The following ABCA1 variants were observed in gnomAD, a reference collection of about 807,000 sequenced individuals.
ABCA1 encodes the protein phospholipid-transporting ATPase ABCA1.
ABCA1 carries 133 observed loss-of-function variants against 262.5 expected under a neutral mutation model. The ratio of observed to expected loss-of-function variants is 0.51; its 90% CI spans 0.44 to 0.59. The LOEUF (loss-of-function observed/expected upper bound fraction) is 0.59. Ranked by LOEUF, ABCA1 falls within the 20% of genes least tolerant of loss-of-function variation. The pLI is 0.00. For synonymous variants in ABCA1, 1,022 were observed against 1,043.5 expected (o/e 0.98, Z 0.40); for missense variants, 2,452 against 2,777.5 (o/e 0.88, Z 2.63).
At chr9:104,843,961 T>C (rs1834621789) in intron 8 of ABCA1, among the ~76,000 whole-genome samples, 1 of 151,614 alleles carries the variant, frequency 6.6e-6, no homozygotes, top group Non-Finnish European at 1.5e-5. Flanking sequence ...TATTGTTCAC[T>C]TGGAGAGTTT....
intron 5 of ABCA1, among the ~76,000 whole-genome samples, chr9:104,874,528 T>C (rs1384486634): frequency 6.6e-6 from 1 of 151,986 alleles, no homozygotes; most frequent in African/African-American, 2.4e-5. Context: ...ATCGTGCCGC[T>C]CCACTCACTC....
At chr9:104,865,359 T>C (rs1050781464) in intron 5 of ABCA1, among the ~76,000 whole-genome samples, 3 of 151,848 alleles carry the variant, frequency 2.0e-5, no homozygotes, top group African/African-American at 7.3e-5. Flanking sequence ...CTACTAAACA[T>C]ATCAAAATTA....
rs150448790 is a variant in ABCA1, at chr9:104,836,982, G to C, written c.1309C>G (p.Arg437Gly). The C allele has an allele frequency of 2.5e-6, 4 of 1,612,694 alleles. No individual in the cohort carries two copies. The highest frequency in any genetic ancestry group is 3.4e-6 in the Non-Finnish European group (4 of 1,178,730). ...GTAATAATGGGAGGGACACTCACCCGGACAAGGTCCATTTCTTGGCTGTTC... is the reference window on the plus strand; with the variant it reads ...GTAATAATGGGAGGGACACTCACCCCGACAAGGTCCATTTCTTGGCTGTTC... Reference protein sequence around the residue: ...MENSQEMDLVRMLLDSRDNDH... With the variant: ...MENSQEMDLVGMLLDSRDNDH... The change falls in exon 11 of 50, where the codon CGG becomes GGG. Residue 437 changes from arginine (R) to glycine (G), a missense_variant and splice_region_variant. By Grantham distance (125) the Arg-to-Gly change is moderately radical. Around this residue, in one of 4 missense-constraint regions of ABCA1, gnomAD observed 1,032 missense variants for 1,089.7 expected, o/e 0.95. Coordinates refer to ENST00000374736, the MANE Select transcript of ABCA1 (RefSeq NM_005502.4).
intron 33 of ABCA1, 68 bp from the exon 34 acceptor site, chr9:104,802,227 T>G (rs1306100957): frequency 7.2e-7 from 1 of 1,388,850 alleles, no homozygotes; most frequent in Non-Finnish European, 1.0e-6. Flanking sequence ...GCAGACTCAG[T>G]GCGAGTGTGT....
In ABCA1 at chr9:104,834,071, G is replaced by A. The variant is rs370729748; in HGVS notation, c.1312-1300C>T. Among the ~76,000 whole-genome samples the A allele has an allele frequency of 2.0e-5, 3 of 149,878 alleles. No individual in the cohort carries two copies. In the South Asian group the frequency reaches 6.4e-4, roughly 32 times the overall value. ...CTGCTTTATAAAAAAATCAGTCTTA[G>A]TTTCACTAACATTATAAGCTTTTCC... On this transcript the variant is annotated intron_variant, in intron 11 of 49. Transcript: ENST00000374736.
intron 2 of ABCA1, among the ~76,000 whole-genome samples, chr9:104,897,728 CA>C (rs1219893718): frequency 1.3e-5 from 2 of 152,202 alleles, no homozygotes; most frequent in Non-Finnish European, 2.9e-5. Context: ...CTCACCCTCC[CA>C]AATAGCTGGG....
chr9:104,856,396 C>T lies in ABCA1; in HGVS notation c.720+2126G>A, dbSNP rs968580140. 5.3e-5 allele frequency among the ~76,000 whole-genome samples: 8 copies of T among 152,254 alleles called. No homozygotes were observed. The East Asian group carries it at 1.5e-3, about 29-fold the overall frequency. On this transcript the variant is annotated intron_variant, in intron 7 of 49. Transcript: ENST00000374736. The stretch of plus-strand genomic sequence containing the variant: ...CCACAAACCCGAGATATGCAGAAAG[C>T]ACCTGGTAGTAGCCACCTTAATCAA...
At chr9:104,850,834 C>T (rs114404472) in intron 7 of ABCA1, among the ~76,000 whole-genome samples, 5,644 of 152,270 alleles carry the variant, frequency 0.037, 296 homozygotes, top group African/African-American at 0.12. Flanking sequence ...TATGAACTCA[C>T]ATAGGTCTCC....
rs766283366 is a variant in ABCA1 at position 104,820,028 on chromosome 9, T to C, written c.3002A>G (p.Lys1001Arg). Residue 1001 changes from lysine to arginine, a missense_variant, in exon 21 of 50, where the codon AAA becomes AGA. Physicochemically the swap from Lys to Arg is conservative, Grantham distance 26. This residue lies in a region of ABCA1 where 665 missense variants were observed against 727.3 expected (regional missense o/e 0.91). Coordinates refer to ENST00000374736, the MANE Select transcript of ABCA1 (RefSeq NM_005502.4). ...CTTCACGTGCTTCTCAGAGAGCCCT[T>C]TCAAGCGGGCATAGAACCAGATGTG... is the stretch of plus-strand genomic sequence containing the variant. ...EEHIWFYARLKGLSEKHVKAE... is the reference protein window; with the variant it reads ...EEHIWFYARLRGLSEKHVKAE... 12 of 1,614,076 alleles carry C rather than the reference T, an allele frequency of 7.4e-6. No homozygotes were observed. The highest frequency in any genetic ancestry group is 1.0e-5 in the Non-Finnish European group (12 of 1,180,024).
intron 1 of ABCA1, among the ~76,000 whole-genome samples, chr9:104,924,191 G>C (rs988892302): frequency 6.6e-6 from 1 of 152,198 alleles, no homozygotes; most frequent in Admixed American, 6.5e-5. Context: ...ATTTTTTGGA[G>C]TAGGCCTTCT....
At chr9:104,921,022 T>G (rs77458074) in intron 1 of ABCA1, among the ~76,000 whole-genome samples, 112 of 152,322 alleles carry the variant, frequency 7.4e-4, no homozygotes, top group African/African-American at 2.6e-3. Flanking sequence ...GACTCTGATA[T>G]CCATGTTCTT....
chr9:104,791,041 G>T lies in ABCA1; in HGVS notation c.5821-13C>A, dbSNP rs987057196. The stretch of plus-strand genomic sequence containing the variant: ...GGAGCCCAAAGCACTGAAAAGGAAA[G>T]ATTAAGTTGTATAAGCAAACTCTAA... On this transcript the variant is annotated splice_polypyrimidine_tract_variant and intron_variant, in intron 43 of 49. Transcript: ENST00000374736. 6.2e-7 allele frequency: 1 copy of T among 1,600,600 alleles called. No individual in the cohort carries two copies. The highest frequency in any genetic ancestry group is 1.3e-5 in the African/African-American group (1 of 74,614).
At chr9:104,885,377 T>C (rs1387560758) in intron 3 of ABCA1, among the ~76,000 whole-genome samples, 1 of 152,150 alleles carries the variant, frequency 6.6e-6, no homozygotes, top group African/African-American at 2.4e-5. Context: ...TAGATTGGAA[T>C]TTAGCTCATC....
intron 6 of ABCA1, among the ~76,000 whole-genome samples, chr9:104,861,075 C>A (rs980951058): frequency 6.6e-6 from 1 of 152,122 alleles, no homozygotes; most frequent in African/African-American, 2.4e-5. Context: ...GTCCATCCCA[C>A]CTGAGCTTTG....
chr9:104,883,627 A>G (rs2119174130), intron 4 of ABCA1, among the ~76,000 whole-genome samples: 1 of 152,356 alleles, frequency 6.6e-6, no homozygotes, highest in African/African-American at 2.4e-5. Context: ...CTTTATACCA[A>G]TGCAGTCATG....
intron 2 of ABCA1, among the ~76,000 whole-genome samples, chr9:104,892,524 T>C (rs1839835990): frequency 2.6e-5 from 4 of 152,144 alleles, no homozygotes. Flanking sequence ...CTCATCTCAA[T>C]TTCCCCAGGT....
At chr9:104,887,057 C>A (rs999998058) in intron 3 of ABCA1, among the ~76,000 whole-genome samples, 1 of 152,236 alleles carries the variant, frequency 6.6e-6, no homozygotes, top group Non-Finnish European at 1.5e-5. Context: ...GCGGGCGAAT[C>A]ACCTGAGGCC....
chr9:104,808,376 A>G (rs910651583), intron 30 of ABCA1, among the ~76,000 whole-genome samples: 2 of 152,134 alleles, frequency 1.3e-5, no homozygotes, highest in African/African-American at 4.8e-5. Context: ...CCAGATAACT[A>G]TATTATCATC....
chr9:104,795,323 G>A (rs958389467), intron 39 of ABCA1, among the ~76,000 whole-genome samples: 2 of 152,186 alleles, frequency 1.3e-5, no homozygotes, highest in Admixed American at 1.3e-4. Flanking sequence ...GAAGAGTTGT[G>A]CAACTGTAAA....
Sources: gnomAD v4.1 joint callset for allele counts (sites outside exome capture counted in the v4.1 genomes callset) on GRCh38, gnomAD v4.1.1 for gene constraint, gnomAD v4.1.1 regional missense constraint, MANE v1.5 for transcripts, NCBI Gene and HGNC (gene_info 2026-07-23, HGNC 2026-07-21) for gene names.